The following NECAB1 variants were observed in gnomAD, a reference collection of about 807,000 sequenced individuals.
NECAB1 encodes N-terminal EF-hand calcium-binding protein 1.
A neutral mutation model predicts 57.5 loss-of-function variants in NECAB1; 29 were observed. That is an observed-to-expected ratio of 0.50 (90% CI 0.38 to 0.69). The LOEUF (loss-of-function observed/expected upper bound fraction) is 0.69. NECAB1 is among the 30% of genes least tolerant of loss of function. The pLI, the probability that NECAB1 is intolerant of heterozygous loss-of-function variation, is 0.00. For synonymous variants in NECAB1, 142 were observed against 147.7 expected, an observed-to-expected ratio of 0.96 and a Z score of 0.28; for missense variants, 372 against 413.8, an observed-to-expected ratio of 0.90 and a Z score of 0.88.
At chr8:90,874,081 C>T (rs1015527707) in intron 4 of NECAB1, among the ~76,000 whole-genome samples, 7 of 152,114 alleles carry the variant, frequency 4.6e-5, no homozygotes, top group African/African-American at 1.7e-4. Flanking sequence ...ATTTTAATCT[C>T]CAGAGTGTCA....
At chr8:90,898,609 A>C (rs1309410912) in intron 5 of NECAB1, among the ~76,000 whole-genome samples, 6 of 152,166 alleles carry the variant, frequency 3.9e-5, no homozygotes, top group Non-Finnish European at 8.8e-5. Flanking sequence ...TGCCTGGCTC[A>C]TTGCATCTTC....
At chr8:90,805,469 A>G (rs1811832308) in intron 2 of NECAB1, among the ~76,000 whole-genome samples, 1 of 151,698 alleles carries the variant, frequency 6.6e-6, no homozygotes, top group African/African-American at 2.4e-5. Context: ...CACATTAACG[A>G]TTAGCTATAA....
chr8:90,908,342 A>G (rs540168937), intron 5 of NECAB1, among the ~76,000 whole-genome samples: 1 of 152,196 alleles, frequency 6.6e-6, no homozygotes, highest in Non-Finnish European at 1.5e-5. Context: ...CAATATCAAC[A>G]AACATAAATT....
intron 3 of NECAB1, among the ~76,000 whole-genome samples, chr8:90,830,403 A>G (rs1812283682): frequency 6.6e-6 from 1 of 152,102 alleles, no homozygotes. Context: ...AAGGAACAAG[A>G]AAAGAGAGAG....
Position 90,883,183 on chromosome 8 carries a change from T to TA in NECAB1, c.357+2058dup, listed in dbSNP as rs535923534. The stretch of plus-strand genomic sequence containing the variant: ...AAATCTTTTTCTTGGCACTGACCCT[T>TA]AAAAATGCATGTGATTCATATTATA... On this transcript the variant is annotated intron_variant, in intron 5 of 12. Transcript: ENST00000417640. 2.8e-4 allele frequency among the ~76,000 whole-genome samples: 43 copies of TA among 152,182 alleles called. No homozygotes were observed. In the East Asian group the frequency reaches 6.6e-3, roughly 23 times the overall value.
intron 5 of NECAB1, among the ~76,000 whole-genome samples, chr8:90,900,468 A>C (rs1809474270): frequency 6.6e-6 from 1 of 152,236 alleles, no homozygotes. Context: ...ATATTTGAGA[A>C]AACAAACACA....
At chr8:90,921,523 T>C (rs1586126868) in intron 6 of NECAB1, among the ~76,000 whole-genome samples, 1 of 151,892 alleles carries the variant, frequency 6.6e-6, no homozygotes, top group South Asian at 2.1e-4. Flanking sequence ...ACAAAGAAAT[T>C]AGCCCGGCAT....
chr8:90,938,302 C>G (rs917905257), intron 9 of NECAB1, among the ~76,000 whole-genome samples: 12 of 152,138 alleles, frequency 7.9e-5, no homozygotes, highest in African/African-American at 2.9e-4. Flanking sequence ...AAATGATATA[C>G]TACTACTCCT....
In NECAB1 at chr8:90,957,493, G is replaced by A. The variant is rs908637586; in HGVS notation, c.*1981G>A. ...ACAAGAATTAGAATGACTTGAGAACGGGCAAATAACAAAGCAAACCAATAT... is the reference window on the plus strand; with the variant it reads ...ACAAGAATTAGAATGACTTGAGAACAGGCAAATAACAAAGCAAACCAATAT... On this transcript the variant is annotated 3_prime_UTR_variant, in exon 13 of 13. Coordinates refer to ENST00000417640, the MANE Select transcript of NECAB1 (RefSeq NM_022351.5). 2 of 151,574 alleles carry A rather than the reference G, an allele frequency of 1.3e-5. No individual in the cohort carries two copies. Among genetic ancestry groups the A allele is most frequent in the African/African-American group, 2.4e-5 (1 of 41,362 alleles). The allele number at this position is 151,574 out of a possible 1,614,324, so 9.4% of individuals were successfully genotyped here. A position where few individuals can be genotyped will look rare whatever the true frequency, so the allele number is the denominator to read the frequency against.
chr8:90,818,558 C>T (rs897317304), intron 2 of NECAB1, among the ~76,000 whole-genome samples: 1 of 152,014 alleles, frequency 6.6e-6, no homozygotes, highest in African/African-American at 2.4e-5. Flanking sequence ...ATTCTTACTG[C>T]TTGCATTGTT....
intron 2 of NECAB1, among the ~76,000 whole-genome samples, chr8:90,817,974 A>T (rs1812085037): frequency 6.6e-6 from 1 of 151,824 alleles, no homozygotes; most frequent in South Asian, 2.1e-4. Context: ...ATAACTGATT[A>T]TTTAATATAT....
intron 5 of NECAB1, among the ~76,000 whole-genome samples, chr8:90,883,949 G>A (rs575239798): frequency 3.9e-5 from 6 of 152,094 alleles, no homozygotes; most frequent in Admixed American, 2.0e-4. Context: ...CTGATGCTAC[G>A]GCTGAATTCA....
intron 6 of NECAB1, among the ~76,000 whole-genome samples, chr8:90,920,615 T>C (rs914556611): frequency 6.6e-5 from 10 of 152,162 alleles, no homozygotes; most frequent in African/African-American, 2.2e-4. Flanking sequence ...ATGTTACCCA[T>C]CTCTCATCTG....
At chr8:90,943,525 A>G (rs560756081) in intron 10 of NECAB1, among the ~76,000 whole-genome samples, 9 of 152,226 alleles carry the variant, frequency 5.9e-5, no homozygotes, top group South Asian at 4.1e-4. Flanking sequence ...ATCAAATTCA[A>G]TTTTCTACCT....
rs116843200 is a variant in NECAB1, at chr8:90,867,108, G to A, written c.234-5020G>A. ...TGTTTTGCTACCCACTACTAACAAT[G>A]TAGCACAGAAACAGCTGAATAAAGG... On this transcript the variant is annotated intron_variant, in intron 3 of 12. Coordinates refer to ENST00000417640, the MANE Select transcript of NECAB1 (RefSeq NM_022351.5). 2.1e-3 allele frequency among the ~76,000 whole-genome samples: 320 copies of A among 152,252 alleles called. 5 individuals are homozygous for A. The East Asian group carries it at 0.05, about 24-fold the overall frequency.
chr8:90,875,337 C>T (rs1029240107), intron 4 of NECAB1, among the ~76,000 whole-genome samples: 4 of 150,902 alleles, frequency 2.7e-5, no homozygotes, highest in Middle Eastern at 3.4e-3. Flanking sequence ...AAAAATTAGC[C>T]GGGCGCGGTG....
Position 90,917,635 on chromosome 8 carries a change from T to G in NECAB1, c.494+7T>G. On this transcript the variant is annotated splice_region_variant and intron_variant, in intron 6 of 12. Coordinates refer to ENST00000417640, the MANE Select transcript of NECAB1 (RefSeq NM_022351.5). ...AGCAAACCCGTCAAGAAAGGCAATT[T>G]ACATGTTTTCATCTGATGTCTATTT... is the stretch of plus-strand genomic sequence containing the variant. The G allele has an allele frequency of 6.2e-7, 1 of 1,605,296 alleles. No homozygotes were observed. The highest frequency in any genetic ancestry group is 8.5e-7 in the Non-Finnish European group (1 of 1,175,100).
chr8:90,872,006 C>A, intron 3 of NECAB1, 122 bp from the exon 4 acceptor site: 2 of 716,896 alleles, frequency 2.8e-6, no homozygotes, highest in South Asian at 1.9e-5. Context: ...AGAGAAATAC[C>A]TTAACTACAT....
chr8:90,861,533 A>G (rs567499462), intron 3 of NECAB1, among the ~76,000 whole-genome samples: 3 of 152,274 alleles, frequency 2.0e-5, no homozygotes, highest in Non-Finnish European at 4.4e-5. Context: ...TATGGTTAAG[A>G]GTAAAGGAAA....
Sources: gnomAD v4.1 joint callset for allele counts (sites outside exome capture counted in the v4.1 genomes callset) on GRCh38, gnomAD v4.1.1 for gene constraint, MANE v1.5 for transcripts, NCBI Gene and HGNC (gene_info 2026-07-23, HGNC 2026-07-21) for gene names.